RBFOX3: variants seen among roughly 807,000 people sequenced by gnomAD.
RBFOX3 encodes the protein RNA binding fox-1 homolog 3, also known as RNA binding protein fox-1 homolog 3.
A neutral mutation model predicts 48.7 loss-of-function variants in RBFOX3; 17 were observed. That is an observed-to-expected ratio of 0.35 (90% CI 0.24 to 0.52). The LOEUF is 0.52. Among genes scored for constraint, RBFOX3 ranks in the 20% least tolerant of loss-of-function variants. The probability of loss-of-function intolerance (pLI) is 0.94; values close to 1 mark genes in which losing one functional copy is unlikely to be tolerated. For missense variants in RBFOX3, 382 were observed against 497.5 expected, an observed-to-expected ratio of 0.77 and a Z score of 2.21; for synonymous variants, 212 against 209.5, an observed-to-expected ratio of 1.01 and a Z score of -0.10.
chr17:79,351,658 C>A (rs2083963774), intron 2 of RBFOX3, among the ~76,000 whole-genome samples: 1 of 152,094 alleles, frequency 6.6e-6, no homozygotes, highest in Non-Finnish European at 1.5e-5. Flanking sequence ...GTAGTAAGTC[C>A]TTTGCCTATT....
At chr17:79,193,450 G>C (rs573762864) in intron 4 of RBFOX3, among the ~76,000 whole-genome samples, 1 of 151,826 alleles carries the variant, frequency 6.6e-6, no homozygotes, top group Non-Finnish European at 1.5e-5. Flanking sequence ...ACCTCCCCCC[G>C]CCAACCCCCT....
chr17:79,140,781 G>A (rs2041762540), intron 4 of RBFOX3, among the ~76,000 whole-genome samples: 1 of 152,222 alleles, frequency 6.6e-6, no homozygotes, highest in African/African-American at 2.4e-5. Flanking sequence ...TAACTGTGCT[G>A]GGCATGCCAT....
In RBFOX3 at chr17:79,504,890, G is replaced by A. The variant is rs2082873262; in HGVS notation, c.-319-22292C>T. 6.6e-5 allele frequency among the ~76,000 whole-genome samples: 10 copies of A among 152,170 alleles called. No homozygotes were observed. In the South Asian group the frequency reaches 1.7e-3, roughly 25 times the overall value. ...AAAACATATACAGATGCGGACGTGC[G>A]TGAGGGATGAGATGGTGAGATGAGA... On this transcript the variant is annotated intron_variant, in intron 1 of 14. Coordinates refer to ENST00000693108, the MANE Select transcript of RBFOX3 (RefSeq NM_001350451.2).
intron 2 of RBFOX3, among the ~76,000 whole-genome samples, chr17:79,400,369 C>T (rs547410695): frequency 1.3e-5 from 2 of 152,290 alleles, no homozygotes; most frequent in Admixed American, 6.5e-5. Flanking sequence ...CTGCCTCTGC[C>T]GTCACGGGGC....
At chr17:79,126,250 T>C (rs1276210643) in intron 4 of RBFOX3, among the ~76,000 whole-genome samples, 5 of 152,170 alleles carry the variant, frequency 3.3e-5, no homozygotes, top group Non-Finnish European at 1.5e-5. Flanking sequence ...CACATATCCC[T>C]GTGATGGGGA....
rs1408304669 is a variant in RBFOX3, at chr17:79,299,456, G to GA, written c.-74+8267dup. Among the ~76,000 whole-genome samples, 1 of 152,136 alleles carries GA rather than the reference G, an allele frequency of 6.6e-6. No individual in the cohort carries two copies. Among genetic ancestry groups the GA allele is most frequent in the African/African-American group, 2.4e-5 (1 of 41,412 alleles). ...ATACAACAATACAAATAACAGAAGTGAAAAAATACAGTGTCATTGCTATTT... is the reference window on the plus strand; with the variant it reads ...ATACAACAATACAAATAACAGAAGTGAAAAAAATACAGTGTCATTGCTATTT... On this transcript the variant is annotated intron_variant, in intron 3 of 14. Coordinates refer to ENST00000693108, the MANE Select transcript of RBFOX3 (RefSeq NM_001350451.2). The surrounding 1 kb of genome is among the most constrained non-coding windows in gnomAD (Gnocchi z 4.5).
intron 2 of RBFOX3, among the ~76,000 whole-genome samples, chr17:79,370,762 TACAC>T (rs1438568263): frequency 6.6e-6 from 1 of 151,940 alleles, no homozygotes; most frequent in Non-Finnish European, 1.5e-5. Flanking sequence ...TACGCTCACA[TACAC>T]ACGCACATGT....
intron 3 of RBFOX3, among the ~76,000 whole-genome samples, chr17:79,266,669 A>G (rs1443339066): frequency 6.6e-6 from 1 of 151,828 alleles, no homozygotes; most frequent in African/African-American, 2.4e-5. Flanking sequence ...CAACTTTGTG[A>G]TTAGAGGGCT....
chr17:79,243,088 TA>T lies in RBFOX3; in HGVS notation c.-73-7284del, dbSNP rs1467293882. On this transcript the variant is annotated intron_variant, in intron 3 of 14. Transcript: ENST00000693108. This position sits in a 1 kb window ranked among gnomAD's most constrained non-coding sequence, Gnocchi z 7.9. ...TGTCATTTCAGCTTTACAACCACCC[TA>T]GGGGGCAGGTACTATGATCACTTCC... 1.3e-5 allele frequency among the ~76,000 whole-genome samples: 2 copies of T among 152,150 alleles called. No homozygotes were observed. Among genetic ancestry groups the T allele is most frequent in the Admixed American group, 6.5e-5 (1 of 15,278 alleles).
intron 1 of RBFOX3, among the ~76,000 whole-genome samples, chr17:79,525,476 C>G (rs1307005419): frequency 6.6e-6 from 1 of 152,216 alleles, no homozygotes; most frequent in Non-Finnish European, 1.5e-5. Flanking sequence ...CTTCAATTCC[C>G]TGGAAATGCT....
chr17:79,551,535 G>GTGGGTGGA (rs1333001820), intron 1 of RBFOX3, among the ~76,000 whole-genome samples: 2 of 127,072 alleles, frequency 1.6e-5, no homozygotes, highest in Non-Finnish European at 3.4e-5. Flanking sequence ...GGATGGACGG[G>GTGGGTGGA]TGGGTGGGTG....
chr17:79,175,370 C>T lies in RBFOX3; in HGVS notation c.-33-59622G>A, dbSNP rs2050302694. The stretch of plus-strand genomic sequence containing the variant: ...GCCCAGGACAGCAGACTACCCCACC[C>T]ATCCCATTCCTCTGGAGTCCCTGTC... On this transcript the variant is annotated intron_variant, in intron 4 of 14. Coordinates refer to ENST00000693108, the MANE Select transcript of RBFOX3 (RefSeq NM_001350451.2). 2.6e-5 allele frequency among the ~76,000 whole-genome samples: 4 copies of T among 152,258 alleles called. No individual in the cohort carries two copies. In the South Asian group the frequency reaches 8.3e-4, roughly 31 times the overall value.
At chr17:79,466,685 A>G (rs2076355601) in intron 2 of RBFOX3, among the ~76,000 whole-genome samples, 1 of 152,214 alleles carries the variant, frequency 6.6e-6, no homozygotes, top group Non-Finnish European at 1.5e-5. Flanking sequence ...ACCCTCCCCA[A>G]GAGAAAGCGA....
chr17:79,644,459 A>C, the RBFOX3 span, among the ~76,000 whole-genome samples: 1 of 152,190 alleles, frequency 6.6e-6, no homozygotes, highest in African/African-American at 2.4e-5. Context: ...AACATTGTTG[A>C]ATTTTATCTC....
chr17:79,348,769 G>A (rs1044344653), intron 2 of RBFOX3, among the ~76,000 whole-genome samples: 24 of 151,378 alleles, frequency 1.6e-4, no homozygotes, highest in African/African-American at 4.1e-4. Flanking sequence ...TAGTAGGGAC[G>A]GGGTTTCACC....
intron 1 of RBFOX3, among the ~76,000 whole-genome samples, chr17:79,504,467 G>A (rs1291958762): frequency 6.6e-6 from 1 of 152,216 alleles, no homozygotes; most frequent in Non-Finnish European, 1.5e-5. Context: ...GAGACCAGAT[G>A]TCCAAAGCCA....
At position 79,332,288 on chromosome 17, in the gene RBFOX3, G is replaced by A. The variant is rs564350758; in HGVS notation, c.-174-24464C>T. Among the ~76,000 whole-genome samples, 112 of 152,150 alleles carry A rather than the reference G, an allele frequency of 7.4e-4. 2 individuals are homozygous for A. Among genetic ancestry groups the A allele is most frequent in the African/African-American group, 2.6e-3 (106 of 41,382 alleles). ...CTGGGAGGGGAAGGGACCATTTGTA[G>A]CTCTTTTCTTTTTTTATGCTGCTGA... On this transcript the variant is annotated intron_variant, in intron 2 of 14. Transcript: ENST00000693108.
chr17:79,169,600 C>A (rs1187359502), intron 4 of RBFOX3, among the ~76,000 whole-genome samples: 1 of 152,192 alleles, frequency 6.6e-6, no homozygotes, highest in Non-Finnish European at 1.5e-5. Context: ...AAACAGGAGG[C>A]GGCACCGAGG....
At chr17:79,433,011 C>T (rs1234200404) in intron 2 of RBFOX3, among the ~76,000 whole-genome samples, 1 of 152,196 alleles carries the variant, frequency 6.6e-6, no homozygotes, top group Non-Finnish European at 1.5e-5. Context: ...GTCTCATTTT[C>T]TCTCCCTCTC....
Sources: allele counts gnomAD v4.1 joint callset (sites outside exome capture counted in the v4.1 genomes callset), GRCh38; gene constraint gnomAD v4.1.1; non-coding constraint Gnocchi (gnomAD v3.1); transcripts MANE v1.5; gene names NCBI Gene and HGNC (gene_info 2026-07-23, HGNC 2026-07-21).